The following DNAH10 variants were observed in gnomAD, a reference collection of about 807,000 sequenced individuals.
DNAH10 encodes axonemal beta dynein heavy chain 10.
A neutral mutation model predicts 506.6 loss-of-function variants in DNAH10; 348 were observed. The ratio of observed to expected loss-of-function variants is 0.69; its 90% CI spans 0.63 to 0.75. The LOEUF is 0.75. Ranked by LOEUF, DNAH10 falls within the 30% of genes least tolerant of loss-of-function variation. The probability of loss-of-function intolerance (pLI) is 0.00; values close to 1 mark genes in which losing one functional copy is unlikely to be tolerated. For missense variants in DNAH10, 5,179 were observed against 5,787.1 expected, an observed-to-expected ratio of 0.89 and a Z score of 3.41; for synonymous variants, 2,059 against 2,198.6, an observed-to-expected ratio of 0.94 and a Z score of 1.78.
At chr12:123,765,357 A>G (rs1406932275) in intron 1 of DNAH10, among the ~76,000 whole-genome samples, 1 of 152,214 alleles carries the variant, frequency 6.6e-6, no homozygotes, top group African/African-American at 2.4e-5. Context: ...ATGAATTCAC[A>G]GAACATAGAA....
intron 47 of DNAH10, among the ~76,000 whole-genome samples, chr12:123,876,591 C>T (rs1424931493): frequency 6.6e-6 from 1 of 152,094 alleles, no homozygotes; most frequent in Non-Finnish European, 1.5e-5. Context: ...CAAGATCATG[C>T]CACTGCACTC....
At chr12:123,803,589 C>T in intron 16 of DNAH10, 72 bp from the exon 17 acceptor site, 2 of 1,386,518 alleles carry the variant, frequency 1.4e-6, no homozygotes, top group Non-Finnish European at 1.9e-6. Context: ...ATTAACATCA[C>T]AGACGTTGGT....
At position 123,874,265 on chromosome 12, in the gene DNAH10, GTCCATCCA is replaced by G. The variant is rs34989387; in HGVS notation, c.7938+593_7938+600del. On this transcript the variant is annotated intron_variant, in intron 46 of 78. Transcript: ENST00000673944. Reference sequence around the variant, plus strand: ...CTGTATGCAAAGCCAGAGTCCGTCCGTCCATCCATCCATCCATCCATCCATCCATCCAT... The same window carrying G: ...CTGTATGCAAAGCCAGAGTCCGTCCGTCCATCCATCCATCCATCCATCCAT... 3.2e-3 allele frequency among the ~76,000 whole-genome samples: 473 copies of G among 145,576 alleles called. 1 individual carries two copies. Among genetic ancestry groups the G allele is most frequent in the East Asian group, 6.3e-3 (30 of 4,750 alleles).
intron 56 of DNAH10, among the ~76,000 whole-genome samples, chr12:123,899,312 G>A (rs757583493): frequency 2.6e-4 from 39 of 152,230 alleles, no homozygotes; most frequent in Non-Finnish European, 1.5e-4. Context: ...GGCACAGGAC[G>A]GCTCCTGCAG....
chr12:123,797,151 G>C (rs1379863613), intron 13 of DNAH10, among the ~76,000 whole-genome samples: 2 of 152,148 alleles, frequency 1.3e-5, no homozygotes, highest in Non-Finnish European at 2.9e-5. Flanking sequence ...GATTACAGGC[G>C]TAAGCCATAG....
Position 123,871,551 on chromosome 12 carries a change from T to G in DNAH10, c.7734T>G (p.Ser2578=). 1 of 1,552,136 alleles carries G rather than the reference T, an allele frequency of 6.4e-7. No individual in the cohort carries two copies. The highest frequency in any genetic ancestry group is 8.7e-7 in the Non-Finnish European group (1 of 1,147,302). Residue 2578 remains serine (S), a synonymous_variant, in exon 45 of 79, where the codon TCT becomes TCG. Transcript: ENST00000673944. ...PVIFVGESGT[S]KTATTQNFLK... is the part of the protein sequence containing the mutation. ...TTTTTGTTGGTGAATCTGGCACTTC[T>G]AAGACAGCCACTACCCAGAATTTCC...
chr12:123,871,269 G>A (rs117796102), intron 44 of DNAH10, among the ~76,000 whole-genome samples, 188 bp from the exon 45 acceptor site: 1,874 of 152,288 alleles, frequency 0.012, 19 homozygotes, highest in Non-Finnish European at 0.016. Flanking sequence ...TGATGGTCGC[G>A]CCGCTGCAGA....
chr12:123,840,088 G>C (rs1182535341), intron 29 of DNAH10, among the ~76,000 whole-genome samples: 1 of 151,904 alleles, frequency 6.6e-6, no homozygotes, highest in Non-Finnish European at 1.5e-5. Flanking sequence ...GTGCATTACA[G>C]GACATTACGT....
chr12:123,908,658 G>A, intron 57 of DNAH10: 1 of 431,202 alleles, frequency 2.3e-6, no homozygotes, highest in South Asian at 1.7e-5. Context: ...AAGGGCAGTG[G>A]ACATCTGCGT....
At chr12:123,837,094 G>A (rs1419972141) in intron 28 of DNAH10, among the ~76,000 whole-genome samples, 1 of 147,444 alleles carries the variant, frequency 6.8e-6, no homozygotes, top group East Asian at 2.0e-4. Flanking sequence ...CTCATGATCT[G>A]CCCACCTTGG....
Position 123,878,021 on chromosome 12 carries a change from C to T in DNAH10, c.8372+113C>T, listed in dbSNP as rs115467376. On this transcript the variant is annotated intron_variant, in intron 48 of 78. Transcript: ENST00000673944. ...GATGAATCGTTGTATGAATTAATTA[C>T]CCAATGTCTTTGCTTATGTTGAAGA... 2.2e-3 allele frequency: 2,938 copies of T among 1,326,466 alleles called. 52 individuals are homozygous for T. The African/African-American group carries it at 0.038, about 17-fold the overall frequency. The allele number at this position is 1,326,466 out of a possible 1,614,324, so 82.2% of individuals were successfully genotyped here. A position where few individuals can be genotyped will look rare whatever the true frequency, so the allele number is the denominator to read the frequency against.
Position 123,931,547 on chromosome 12 carries a change from C to T in DNAH10, c.12916+75C>T. ...TGCTTCTTGTAGCCCTCCCACGTTGCTGATGCCTTTCCCAGAACTGGAAGG... is the reference window on the plus strand; with the variant it reads ...TGCTTCTTGTAGCCCTCCCACGTTGTTGATGCCTTTCCCAGAACTGGAAGG... On this transcript the variant is annotated intron_variant, in intron 74 of 78. Coordinates refer to ENST00000673944, the MANE Select transcript of DNAH10 (RefSeq NM_001372106.1). The T allele has an allele frequency of 1.9e-6, 3 of 1,605,738 alleles. No homozygotes were observed. The South Asian group carries it at 3.3e-5, about 18-fold the overall frequency.
intron 78 of DNAH10, 46 bp from the exon 79 acceptor site, chr12:123,935,289 T>TGCA: frequency 6.3e-7 from 1 of 1,587,740 alleles, no homozygotes; most frequent in Non-Finnish European, 8.6e-7. Context: ...TTTATCCCTC[T>TGCA]GCACCCTCTC....
Position 123,787,269 on chromosome 12 carries a change from T to C in DNAH10, c.1422-535T>C, listed in dbSNP as rs1341933473. Among the ~76,000 whole-genome samples, 2 of 152,242 alleles carry C rather than the reference T, an allele frequency of 1.3e-5. No homozygotes were observed. Among genetic ancestry groups the C allele is most frequent in the Non-Finnish European group, 2.9e-5 (2 of 68,028 alleles). ...ATCTATACAGATAGGTATCTATGTCTATCTATGTATATGTATTTATATAGA... is the reference window on the plus strand; with the variant it reads ...ATCTATACAGATAGGTATCTATGTCCATCTATGTATATGTATTTATATAGA... On this transcript the variant is annotated intron_variant, in intron 9 of 78. Coordinates refer to ENST00000673944, the MANE Select transcript of DNAH10 (RefSeq NM_001372106.1). This position sits in a 1 kb window ranked among gnomAD's most constrained non-coding sequence, Gnocchi z 4.6.
intron 28 of DNAH10, among the ~76,000 whole-genome samples, chr12:123,837,721 T>C (rs1339014089): frequency 6.7e-6 from 1 of 150,318 alleles, no homozygotes; most frequent in Non-Finnish European, 1.5e-5. Context: ...ACTGCAGGTA[T>C]GCACCACCAC....
At chr12:123,835,109 T>G (rs542962695) in intron 27 of DNAH10, among the ~76,000 whole-genome samples, 2 of 152,354 alleles carry the variant, frequency 1.3e-5, no homozygotes, top group East Asian at 3.9e-4. Flanking sequence ...CCTTCGCTGT[T>G]GTGGGTCACA....
At chr12:123,834,956 G>C (rs770036138) in intron 27 of DNAH10, among the ~76,000 whole-genome samples, 2 of 152,090 alleles carry the variant, frequency 1.3e-5, no homozygotes, top group Non-Finnish European at 2.9e-5. Flanking sequence ...TCCACCTTTT[G>C]GCTATTGTGA....
At chr12:123,824,630 C>T (rs771595901) in intron 24 of DNAH10, among the ~76,000 whole-genome samples, 2 of 152,246 alleles carry the variant, frequency 1.3e-5, no homozygotes, top group African/African-American at 2.4e-5. Flanking sequence ...TGCAGGGCCA[C>T]GATCACTCTG....
chr12:123,929,731 G>A lies in DNAH10; in HGVS notation c.12584G>A (p.Trp4195Ter). ...CAGCAACGGGACCCAAGGATCCCGT[G>A]GGGCAGCCTCAAGTACCTAATTGGA... Reference protein sequence around the residue: ...AFQQRDPRIPWGSLKYLIGEV... With the variant: ...AFQQRDPRIP Residue 4195 changes from tryptophan to a stop codon, truncating the protein, a stop_gained, in exon 72 of 79, where the codon TGG (tryptophan) becomes TAG (stop). Transcript: ENST00000673944. LOFTEE classifies it high-confidence loss of function. 6.2e-7 allele frequency: 1 copy of A among 1,613,256 alleles called. No homozygotes were observed. Among genetic ancestry groups the A allele is most frequent in the East Asian group, 2.2e-5 (1 of 44,856 alleles).
Sources: allele counts gnomAD v4.1 joint callset (sites outside exome capture counted in the v4.1 genomes callset), GRCh38; gene constraint gnomAD v4.1.1; non-coding constraint Gnocchi (gnomAD v3.1); transcripts MANE v1.5; gene names NCBI Gene and HGNC (gene_info 2026-07-23, HGNC 2026-07-21).